The following KCTD13 variants were observed in gnomAD, a reference collection of about 807,000 sequenced individuals.
KCTD13 encodes the protein potassium channel tetramerization domain containing 13, also known as BTB/POZ domain-containing adapter for CUL3-mediated RhoA degradation protein 1.
A neutral mutation model predicts 32.3 loss-of-function variants in KCTD13; 15 were observed. The observed-to-expected ratio is 0.46, with a 90% confidence interval of 0.31 to 0.71. KCTD13 has a LOEUF of 0.71. Ranked by LOEUF, KCTD13 falls within the 30% of genes least tolerant of loss-of-function variation. The pLI is 0.05. For synonymous variants in KCTD13, 189 were observed against 200.1 expected (o/e 0.94, Z 0.47); for missense variants, 337 against 452.6 (o/e 0.74, Z 2.32).
rs1171172032 is a variant in KCTD13 at position 29,912,341 on chromosome 16, CCA to C, written c.415-294_415-293del. The C allele has an allele frequency of 6.0e-6, 3 of 498,732 alleles. No homozygotes were observed. In the African/African-American group the frequency reaches 6.0e-5, roughly 10 times the overall value. 30.9% of individuals were successfully genotyped at this position (498,732 alleles called of 1,614,324 possible). A position where few individuals can be genotyped will look rare whatever the true frequency, so the allele number is the denominator to read the frequency against. Reference sequence around the variant, plus strand: ...CTGTCAGCGTGGCGTGTCCGTCATGCCATTCAGATCGCAGGTCACACAGTGCC... The same window carrying C: ...CTGTCAGCGTGGCGTGTCCGTCATGCTTCAGATCGCAGGTCACACAGTGCC... On this transcript the variant is annotated intron_variant, in intron 2 of 5. Coordinates refer to ENST00000568000, the MANE Select transcript of KCTD13 (RefSeq NM_178863.5).
intron 1 of KCTD13, 43 bp from the exon 2 acceptor site, chr16:29,923,402 CGG>C (rs1567448682): frequency 6.3e-7 from 1 of 1,583,512 alleles, no homozygotes; most frequent in Admixed American, 1.7e-5. Context: ...GGCTTTGCTG[CGG>C]GACCTGGAGC....
rs759389171 is a variant in KCTD13, at chr16:29,925,890, G to T, written c.144C>A (p.Gly48=). ...PNSKYVKLNV[G]GSLHYTTLRT... is the part of the protein sequence containing the mutation. ...GCAGCGTGGTGTAGTGCAACGAGCC[G>T]CCCACGTTCAGCTTCACGTATTTGC... The change falls in exon 1 of 6, where the codon GGC becomes GGA. Residue 48 remains glycine (G), a synonymous_variant. Transcript: ENST00000568000. 1.9e-6 allele frequency: 3 copies of T among 1,614,074 alleles called. No individual in the cohort carries two copies. Among genetic ancestry groups the T allele is most frequent in the Non-Finnish European group, 8.5e-7 (1 of 1,179,966 alleles).
At chr16:29,910,058 A>G (rs569341991) in intron 5 of KCTD13, among the ~76,000 whole-genome samples, 52 of 147,784 alleles carry the variant, frequency 3.5e-4, no homozygotes, top group Admixed American at 3.5e-3. Context: ...AGATCACACC[A>G]TTGCACTGCA....
chr16:29,906,822 G>A lies in KCTD13; in HGVS notation c.*50C>T, dbSNP rs771799055. 1 of 1,521,238 alleles carries A rather than the reference G, an allele frequency of 6.6e-7. No homozygotes were observed. The highest frequency in any genetic ancestry group is 9.1e-7 in the Non-Finnish European group (1 of 1,100,532). The allele number at this position is 1,521,238 out of a possible 1,614,324, so 94.2% of individuals were successfully genotyped here. Reference sequence around the variant, plus strand: ...AAAGTCTGGGAAGGGGAGGGAAAGAGAGAGGGACTGGGTCCCAAGGCAAGA... The same window carrying A: ...AAAGTCTGGGAAGGGGAGGGAAAGAAAGAGGGACTGGGTCCCAAGGCAAGA... On this transcript the variant is annotated 3_prime_UTR_variant, in exon 6 of 6. Transcript: ENST00000568000.
At chr16:29,908,442 T>C (rs555365912) in intron 5 of KCTD13, among the ~76,000 whole-genome samples, 1 of 152,216 alleles carries the variant, frequency 6.6e-6, no homozygotes, top group East Asian at 1.9e-4. Flanking sequence ...TGGAGCGCAA[T>C]GGCACAATCT....
intron 2 of KCTD13, among the ~76,000 whole-genome samples, chr16:29,917,747 C>T (rs897364173): frequency 6.6e-6 from 1 of 152,002 alleles, no homozygotes; most frequent in Non-Finnish European, 1.5e-5. Flanking sequence ...CCACTGCACT[C>T]CAGTCTGGGC....
At position 29,911,862 on chromosome 16, in the gene KCTD13, C is replaced by T. The variant is rs754211065; in HGVS notation, c.510G>A (p.Val170=). ...QQLLASTSKP[V]VKLLHNRSNN... is the part of the protein sequence containing the mutation. ...TACTGCGGTTGTGCAGGAGCTTCAC[C>T]ACGGGCTGGCGGGGGAGAGAGGATG... The change falls in exon 4 of 6, where the codon GTG becomes GTA. Residue 170 remains valine (V), a synonymous_variant. Transcript: ENST00000568000. 1.2e-6 allele frequency: 2 copies of T among 1,612,104 alleles called. No homozygotes were observed. The highest frequency in any genetic ancestry group is 2.7e-5 in the African/African-American group (2 of 74,840).
chr16:29,921,609 T>A (rs1338778138), intron 2 of KCTD13: 2 of 152,054 alleles, frequency 1.3e-5, no homozygotes, highest in African/African-American at 4.8e-5. Flanking sequence ...TGACACACAG[T>A]GGGTACATGA....
chr16:29,910,554 C>T (rs1230351559), intron 5 of KCTD13, among the ~76,000 whole-genome samples: 4 of 152,014 alleles, frequency 2.6e-5, no homozygotes, highest in African/African-American at 9.7e-5. Flanking sequence ...AGATCAGGTC[C>T]CACGATGTTG....
At chr16:29,919,680 TAAC>T (rs1252055697) in intron 2 of KCTD13, 1 of 152,154 alleles carries the variant, frequency 6.6e-6, no homozygotes, top group Non-Finnish European at 1.5e-5. Context: ...TGGCAATTAT[TAAC>T]AACAACAAAA....
At position 29,923,975 on chromosome 16, in the gene KCTD13, G is replaced by A. The variant is rs528272156; in HGVS notation, c.245-616C>T. Among the ~76,000 whole-genome samples, 3 of 152,214 alleles carry A rather than the reference G, an allele frequency of 2.0e-5. No individual in the cohort carries two copies. In the East Asian group the frequency reaches 5.8e-4, roughly 29 times the overall value. ...GGATCACCTGAGGTCAAGAGTTCGA[G>A]ACCAGCCTGACCAACATGGAGAAAT... On this transcript the variant is annotated intron_variant, in intron 1 of 5. Transcript: ENST00000568000.
chr16:29,922,950 G>C (rs1231849731), intron 2 of KCTD13: 1 of 501,006 alleles, frequency 2.0e-6, no homozygotes, highest in Non-Finnish European at 3.5e-6. Context: ...TGGCTGCATA[G>C]GAACAGTGGG....
chr16:29,909,060 T>C (rs1232367657), intron 5 of KCTD13, among the ~76,000 whole-genome samples: 1 of 151,932 alleles, frequency 6.6e-6, no homozygotes, highest in African/African-American at 2.4e-5. Flanking sequence ...GATTCATTCA[T>C]TCATTCATTC....
intron 2 of KCTD13, among the ~76,000 whole-genome samples, chr16:29,912,531 C>T (rs1490780588): frequency 6.6e-6 from 1 of 152,252 alleles, no homozygotes; most frequent in Non-Finnish European, 1.5e-5. Context: ...ACCTCCACCT[C>T]CCGGGTTAAA....
rs781066855 is a variant in KCTD13 at position 29,912,054 on chromosome 16, G to A, written c.415-5C>T. ...GGACAGCGTCTCCCTTTTTTGCTGG[G>A]GAAGAAGCGGAAGGTGGTTAACAGC... On this transcript the variant is annotated splice_polypyrimidine_tract_variant and splice_region_variant and intron_variant, in intron 2 of 5. Transcript: ENST00000568000. 1.9e-6 allele frequency: 3 copies of A among 1,587,358 alleles called. No homozygotes were observed. The Middle Eastern group carries it at 5.0e-4, about 264-fold the overall frequency.
intron 5 of KCTD13, among the ~76,000 whole-genome samples, chr16:29,908,487 C>T (rs1292013242): frequency 6.6e-6 from 1 of 152,062 alleles, no homozygotes; most frequent in Non-Finnish European, 1.5e-5. Context: ...CAAGTTCAAG[C>T]GATTTTCCTG....
intron 2 of KCTD13, chr16:29,914,089 CA>C (rs1360855541): frequency 6.6e-6 from 1 of 152,282 alleles, no homozygotes; most frequent in African/African-American, 2.4e-5. Flanking sequence ...CTCAGCCTCC[CA>C]AAGTGCTGGG....
At chr16:29,922,922 C>G in intron 2 of KCTD13, 1 of 467,936 alleles carries the variant, frequency 2.1e-6, no homozygotes, top group Non-Finnish European at 3.8e-6. Context: ...TACTCAGGTG[C>G]GAGTGTAACA....
chr16:29,923,156 G>A, intron 2 of KCTD13, 34 bp downstream of exon 2: 1 of 1,609,836 alleles, frequency 6.2e-7, no homozygotes, highest in Non-Finnish European at 8.5e-7. Context: ...AGCTCTCCCA[G>A]GAACATAGGC....
Sources: allele counts gnomAD v4.1 joint callset (sites outside exome capture counted in the v4.1 genomes callset), GRCh38; gene constraint gnomAD v4.1.1; transcripts MANE v1.5; gene names NCBI Gene and HGNC (gene_info 2026-07-23, HGNC 2026-07-21).